Variants in PDE12 observed in about 807,000 individuals in gnomAD.
PDE12 encodes 2',5'-phosphodiesterase 12.
PDE12 carries 26 observed loss-of-function variants against 45.4 expected under a neutral mutation model. The ratio of observed to expected loss-of-function variants is 0.57; its 90% confidence interval spans 0.42 to 0.79. The LOEUF (loss-of-function observed/expected upper bound fraction) is 0.79. PDE12 is among the 30% of genes least tolerant of loss of function. The pLI is 0.00. For synonymous variants in PDE12, 283 were observed against 323.9 expected, an observed-to-expected ratio of 0.87 and a Z score of 1.36; for missense variants, 668 against 790.0, an observed-to-expected ratio of 0.85 and a Z score of 1.85.
downstream of PDE12, among the ~76,000 whole-genome samples, chr3:57,571,074 C>G (rs1478634151): frequency 6.6e-6 from 1 of 151,776 alleles, no homozygotes; most frequent in Non-Finnish European, 1.5e-5. Context: ...AACTCCTATT[C>G]TCAAGTGACC....
At chr3:57,639,569 T>C in the PDE12 span, among the ~76,000 whole-genome samples, 1 of 152,200 alleles carries the variant, frequency 6.6e-6, no homozygotes, top group Non-Finnish European at 1.5e-5. Context: ...TCATCTCATA[T>C]CCAAGACTCT....
At chr3:57,619,079 G>A in the PDE12 span, among the ~76,000 whole-genome samples, 1 of 152,180 alleles carries the variant, frequency 6.6e-6, no homozygotes, top group African/African-American at 2.4e-5. Context: ...GCCGGGTGCA[G>A]TGGCTCACGC....
At chr3:57,590,158 C>A in the PDE12 span, among the ~76,000 whole-genome samples, 1 of 149,660 alleles carries the variant, frequency 6.7e-6, no homozygotes, top group African/African-American at 2.4e-5. Flanking sequence ...AAAAGAACAT[C>A]TATAAAAAAC....
At chr3:57,637,562 T>C in the PDE12 span, among the ~76,000 whole-genome samples, 5 of 151,960 alleles carry the variant, frequency 3.3e-5, no homozygotes, top group Admixed American at 3.3e-4. Context: ...ACTCACAGTC[T>C]ATCTCAGGTT....
the PDE12 span, among the ~76,000 whole-genome samples, chr3:57,606,953 G>A: frequency 6.6e-6 from 1 of 152,126 alleles, no homozygotes; most frequent in Non-Finnish European, 1.5e-5. Context: ...GCCTACTCAA[G>A]TGGGTCCCTG....
downstream of PDE12, among the ~76,000 whole-genome samples, chr3:57,569,024 T>C (rs2069811166): frequency 2.0e-5 from 3 of 152,290 alleles, no homozygotes; most frequent in South Asian, 6.2e-4. Flanking sequence ...CTTTTTAATC[T>C]AGGGATATAA....
At chr3:57,601,699 C>T in the PDE12 span, among the ~76,000 whole-genome samples, 1 of 151,150 alleles carries the variant, frequency 6.6e-6, no homozygotes, top group Non-Finnish European at 1.5e-5. Context: ...CATTAGAATG[C>T]AAGCTTATTA....
the PDE12 span, among the ~76,000 whole-genome samples, chr3:57,605,508 A>T: frequency 1.3e-5 from 2 of 152,184 alleles, no homozygotes; most frequent in Admixed American, 6.6e-5. Context: ...TCACTGATGA[A>T]GAATAATTAA....
At chr3:57,597,599 G>C in the PDE12 span, 1 of 159,082 alleles carries the variant, frequency 6.3e-6, no homozygotes, top group Admixed American at 6.4e-5. Context: ...GGCCGGCTGA[G>C]GCACATGCGT....
the PDE12 span, chr3:57,628,147 G>A: frequency 2.6e-5 from 40 of 1,558,746 alleles, no homozygotes; most frequent in South Asian, 1.5e-4. Context: ...TCCTTTGTGC[G>A]TCTGGTTGAA....
the PDE12 span, chr3:57,654,611 T>G: frequency 3.1e-6 from 3 of 981,546 alleles, no homozygotes. Context: ...AAAATGTCTA[T>G]TTCTTTCAAC....
chr3:57,578,139 G>A, the PDE12 span, among the ~76,000 whole-genome samples: 2 of 152,128 alleles, frequency 1.3e-5, no homozygotes, highest in Admixed American at 1.3e-4. Context: ...AGGGGGGTGG[G>A]ATAGCGCGAG....
the PDE12 span, chr3:57,634,877 G>A: frequency 4.4e-6 from 4 of 904,984 alleles, no homozygotes; most frequent in Non-Finnish European, 4.7e-6. Context: ...ATGTTATAAT[G>A]AAAGGATTCT....
chr3:57,613,420 A>G, the PDE12 span, among the ~76,000 whole-genome samples: 9 of 151,408 alleles, frequency 5.9e-5, no homozygotes, highest in African/African-American at 2.2e-4. Context: ...CAGCCTCCCA[A>G]GTAGCTGCGA....
In PDE12 at chr3:57,564,374, C is replaced by T. The variant is rs537217609; in HGVS notation, c.*4370C>T. 1.3e-5 allele frequency: 2 copies of T among 152,246 alleles called. No homozygotes were observed. Among genetic ancestry groups the T allele is most frequent in the South Asian group, 2.1e-4 (1 of 4,824 alleles). 9.4% of individuals were successfully genotyped at this position (152,246 alleles called of 1,614,324 possible). ...GATTTTTACTCATAATTTAAAATTT[C>T]CCCGCAAAATTTCACAGAAAACTGA... On this transcript the variant is annotated 3_prime_UTR_variant, in exon 3 of 3. Coordinates refer to ENST00000311180, the MANE Select transcript of PDE12 (RefSeq NM_177966.7).
At chr3:57,646,043 T>C in the PDE12 span, among the ~76,000 whole-genome samples, 3 of 152,156 alleles carry the variant, frequency 2.0e-5, no homozygotes, top group Non-Finnish European at 4.4e-5. Flanking sequence ...CAAGTAATAT[T>C]TATCAAGGAA....
chr3:57,564,812 G>A lies in PDE12; in HGVS notation c.*4808G>A, dbSNP rs1233393433. ...TCCCCAAATAGCTGGGACTACAGGT[G>A]CGCACCGCCACACCTGGCTAATTTT... On this transcript the variant is annotated 3_prime_UTR_variant, in exon 3 of 3. Coordinates refer to ENST00000311180, the MANE Select transcript of PDE12 (RefSeq NM_177966.7). 4 of 146,774 alleles carry A rather than the reference G, an allele frequency of 2.7e-5. No individual in the cohort carries two copies. The highest frequency in any genetic ancestry group is 2.2e-4 in the South Asian group (1 of 4,606). The allele number at this position is 146,774 out of a possible 1,614,324, so 9.1% of individuals were successfully genotyped here.
the PDE12 span, chr3:57,631,313 C>G: frequency 4.0e-5 from 8 of 199,378 alleles, no homozygotes; most frequent in South Asian, 2.0e-4. Context: ...TCTCCCGCCT[C>G]AGTCTCCCAA....
the PDE12 span, among the ~76,000 whole-genome samples, chr3:57,623,587 G>A: frequency 6.6e-6 from 1 of 152,216 alleles, no homozygotes; most frequent in African/African-American, 2.4e-5. Flanking sequence ...GCTGAGGCAG[G>A]AGAATAGCTT....
Sources: allele counts gnomAD v4.1 joint callset (sites outside exome capture counted in the v4.1 genomes callset), GRCh38; gene constraint gnomAD v4.1.1; transcripts MANE v1.5; gene names NCBI Gene and HGNC (gene_info 2026-07-23, HGNC 2026-07-21).